PTPRD: variants seen among roughly 807,000 people sequenced by gnomAD.
The protein encoded by PTPRD is receptor-type tyrosine-protein phosphatase delta.
Under a neutral mutation model 214.5 loss-of-function variants are expected in PTPRD, and 34 were observed. The observed-to-expected ratio is 0.16, with a 90% confidence interval of 0.12 to 0.21. The LOEUF (loss-of-function observed/expected upper bound fraction) is 0.21, where lower values mean the gene tolerates loss of function less well. Ranked by LOEUF, PTPRD falls within the 10% of genes least tolerant of loss-of-function variation. PTPRD has a pLI of 1.00. For missense variants in PTPRD, 2,545 were observed against 2,398.7 expected (o/e 1.06, Z -1.27); for synonymous variants, 1,128 against 845.7 (o/e 1.33, Z -5.79).
At position 9,399,499 on chromosome 9, in the gene PTPRD, G is replaced by T. The variant is rs866577460; in HGVS notation, c.-236-2017C>A. On this transcript the variant is annotated intron_variant, in intron 8 of 45. Coordinates refer to ENST00000381196, the MANE Select transcript of PTPRD (RefSeq NM_002839.4). ...GTGCTGGTAAGTCTAGATTATTATT[G>T]GACATTTTCCCCTCCAAAGGTCAAA... is the stretch of plus-strand genomic sequence containing the variant. Among the ~76,000 whole-genome samples, 7 of 151,748 alleles carry T rather than the reference G, an allele frequency of 4.6e-5. No homozygotes were observed. The South Asian group carries it at 1.5e-3, about 31-fold the overall frequency.
intron 9 of PTPRD, among the ~76,000 whole-genome samples, chr9:9,364,107 G>T (rs1241451561): frequency 3.3e-5 from 5 of 151,272 alleles, no homozygotes; most frequent in African/African-American, 1.2e-4. Context: ...TCAGATCAAG[G>T]CCTATTGCCT....
intron 3 of PTPRD, among the ~76,000 whole-genome samples, chr9:10,239,468 A>G (rs2099639816): frequency 6.6e-6 from 1 of 151,890 alleles, no homozygotes; most frequent in Non-Finnish European, 1.5e-5. Context: ...CTCACCCTTT[A>G]TTTCTGCTTT....
chr9:9,670,331 T>G (rs1564441985), intron 7 of PTPRD, among the ~76,000 whole-genome samples: 2 of 152,112 alleles, frequency 1.3e-5, no homozygotes, highest in Non-Finnish European at 2.9e-5. Context: ...AAGAGGTGAC[T>G]TGGGTGCCAT....
At chr9:10,152,651 C>G (rs1010360147) in intron 3 of PTPRD, among the ~76,000 whole-genome samples, 1 of 152,094 alleles carries the variant, frequency 6.6e-6, no homozygotes, top group African/African-American at 2.4e-5. Context: ...CATGGAGAAA[C>G]CTCACCTCTA....
At chr9:9,298,243 C>T (rs1035142450) in intron 9 of PTPRD, among the ~76,000 whole-genome samples, 21 of 151,534 alleles carry the variant, frequency 1.4e-4, no homozygotes, top group Non-Finnish European at 2.8e-4. Context: ...CAAATGCAAG[C>T]AGAGTTTTAT....
intron 14 of PTPRD, among the ~76,000 whole-genome samples, chr9:8,553,690 G>A (rs1388843592): frequency 1.3e-5 from 2 of 152,086 alleles, no homozygotes; most frequent in East Asian, 1.9e-4. Flanking sequence ...AAGATCAAGC[G>A]TCTAAAATGT....
intron 4 of PTPRD, among the ~76,000 whole-genome samples, chr9:9,962,729 C>A (rs745765162): frequency 6.6e-6 from 1 of 152,036 alleles, no homozygotes; most frequent in Non-Finnish European, 1.5e-5. Context: ...TCATATGAAG[C>A]TGAATGTCTC....
chr9:8,873,994 C>G (rs1379573161), intron 11 of PTPRD, among the ~76,000 whole-genome samples: 1 of 152,042 alleles, frequency 6.6e-6, no homozygotes, highest in Non-Finnish European at 1.5e-5. Flanking sequence ...ACACTTGTGT[C>G]CTTCCAGACT....
intron 3 of PTPRD, among the ~76,000 whole-genome samples, chr9:10,138,599 G>A (rs536435711): frequency 6.6e-6 from 1 of 152,018 alleles, no homozygotes; most frequent in East Asian, 1.9e-4. Context: ...AAATCTCACA[G>A]AGACACAATA....
At chr9:9,583,440 T>G (rs1040020952) in intron 7 of PTPRD, among the ~76,000 whole-genome samples, 1 of 152,086 alleles carries the variant, frequency 6.6e-6, no homozygotes, top group Non-Finnish European at 1.5e-5. Flanking sequence ...AATGGGTGCA[T>G]TCCAAAAACG....
chr9:8,328,066 G>T (rs1035399656), intron 44 of PTPRD, among the ~76,000 whole-genome samples: 1 of 152,164 alleles, frequency 6.6e-6, no homozygotes, highest in South Asian at 2.1e-4. Context: ...TCATTATGAT[G>T]TTTGCTGGTT....
intron 5 of PTPRD, among the ~76,000 whole-genome samples, chr9:9,909,441 A>T (rs2078556431): frequency 7.3e-6 from 1 of 136,066 alleles, no homozygotes; most frequent in Non-Finnish European, 1.6e-5. Flanking sequence ...TATAAATGCA[A>T]ATTTATTAAA....
intron 11 of PTPRD, among the ~76,000 whole-genome samples, chr9:8,756,036 C>T (rs1363053938): frequency 2.0e-5 from 3 of 152,150 alleles, no homozygotes; most frequent in Non-Finnish European, 4.4e-5. Context: ...ACTTTTAGTT[C>T]ATACTGGTAG....
At chr9:9,386,863 G>C (rs192137385) in intron 9 of PTPRD, among the ~76,000 whole-genome samples, 1 of 152,068 alleles carries the variant, frequency 6.6e-6, no homozygotes, top group South Asian at 2.1e-4. Flanking sequence ...GGGAACTGAA[G>C]GTCCATCTCA....
At chr9:9,610,144 G>A (rs994043218) in intron 7 of PTPRD, among the ~76,000 whole-genome samples, 9 of 152,046 alleles carry the variant, frequency 5.9e-5, no homozygotes, top group Non-Finnish European at 1.0e-4. Context: ...GTAGAAATAC[G>A]TTAGGAATCT....
chr9:10,283,924 G>C (rs2095248091), intron 3 of PTPRD, among the ~76,000 whole-genome samples: 1 of 152,150 alleles, frequency 6.6e-6, no homozygotes, highest in Non-Finnish European at 1.5e-5. Context: ...AATTGGGTCT[G>C]GTTCTAGGGC....
chr9:9,268,807 C>CAA (rs66741804), intron 9 of PTPRD, among the ~76,000 whole-genome samples: 190 of 110,188 alleles, frequency 1.7e-3, no homozygotes, highest in African/African-American at 5.3e-3. Flanking sequence ...TATCCACAAG[C>CAA]AAAAAAAAAA....
At chr9:10,430,269 G>A (rs2098665228) in intron 2 of PTPRD, among the ~76,000 whole-genome samples, 1 of 151,688 alleles carries the variant, frequency 6.6e-6, no homozygotes, top group Non-Finnish European at 1.5e-5. Flanking sequence ...GGCAAATATT[G>A]ATCCTTTTAT....
chr9:10,298,889 A>T (rs2154404868), intron 3 of PTPRD, among the ~76,000 whole-genome samples: 1 of 152,090 alleles, frequency 6.6e-6, no homozygotes, highest in East Asian at 1.9e-4. Context: ...AGGCACTGAG[A>T]TATTTTTAAT....
Sources: gnomAD v4.1 joint callset for allele counts (sites outside exome capture counted in the v4.1 genomes callset) on GRCh38, gnomAD v4.1.1 for gene constraint, MANE v1.5 for transcripts, NCBI Gene and HGNC (gene_info 2026-07-23, HGNC 2026-07-21) for gene names.